The following SURF2 variants were observed in gnomAD, a reference collection of about 807,000 sequenced individuals.
SURF2 encodes the protein surfeit 2.
A neutral mutation model predicts 26.2 loss-of-function variants in SURF2; 32 were observed. The ratio of observed to expected loss-of-function variants is 1.22; its 90% CI spans 0.92 to 1.64. The LOEUF is 1.64. SURF2 is among the 40% of genes most tolerant of loss of function. SURF2 has a pLI of 0.00. For synonymous variants in SURF2, 173 were observed against 139.1 expected, an observed-to-expected ratio of 1.24 and a Z score of -1.71; for missense variants, 415 against 341.6, an observed-to-expected ratio of 1.21 and a Z score of -1.69.
rs2130032894 is a variant in SURF2 at position 133,357,110 on chromosome 9, G to C, written c.233+42G>C. ...GGCGCGGGGAGGCCCAGGGCAATTA[G>C]GACAGCCCCTCCGCTGGACTCCGCC... On this transcript the variant is annotated intron_variant, in intron 2 of 5. Transcript: ENST00000371964. The C allele has an allele frequency of 3.6e-5, 53 of 1,492,892 alleles. No homozygotes were observed. The African/African-American group carries it at 6.6e-4, about 19-fold the overall frequency. 92.5% of individuals were successfully genotyped at this position (1,492,892 alleles called of 1,614,324 possible). A position where few individuals can be genotyped will look rare whatever the true frequency, so the allele number is the denominator to read the frequency against.
chr9:133,357,231 C>A, intron 2 of SURF2, 163 bp downstream of exon 2: 1 of 827,866 alleles, frequency 1.2e-6, no homozygotes, highest in African/African-American at 1.8e-5. Flanking sequence ...GGCGAGGCCT[C>A]TTGGTGAGCT....
chr9:133,359,007 C>T (rs903063894), intron 3 of SURF2, among the ~76,000 whole-genome samples: 1 of 152,196 alleles, frequency 6.6e-6, no homozygotes, highest in African/African-American at 2.4e-5. Flanking sequence ...CTTGCAGGCA[C>T]AAGGGCTGCC....
Position 133,357,811 on chromosome 9 carries a change from AAATGTAAGTC to A in SURF2, c.335_337+7del, listed in dbSNP as rs2130036966. ...CCGGCGGTACCAGCGAGCTCTGTGTAAATGTAAGTCCCAGTGGACCCCCATCAGTGCATCG... is the reference window on the plus strand; with the variant it reads ...CCGGCGGTACCAGCGAGCTCTGTGTACCAGTGGACCCCCATCAGTGCATCG... On this transcript the variant is annotated splice_donor_variant and splice_donor_5th_base_variant and coding_sequence_variant and intron_variant, in exon 3 of 6. Coordinates refer to ENST00000371964, the MANE Select transcript of SURF2 (RefSeq NM_017503.5). LOFTEE classifies it high-confidence loss of function. 5.0e-6 allele frequency: 8 copies of A among 1,613,316 alleles called. No individual in the cohort carries two copies. The highest frequency in any genetic ancestry group is 6.8e-6 in the Non-Finnish European group (8 of 1,179,972).
chr9:133,360,955 A>T (rs1836759403), intron 5 of SURF2, 101 bp from the exon 6 acceptor site: 2 of 1,246,958 alleles, frequency 1.6e-6, no homozygotes, highest in African/African-American at 3.0e-5. Context: ...TATTTGACCG[A>T]CACCTCTGAG....
At position 133,360,327 on chromosome 9, in the gene SURF2, T is replaced by C. The variant is rs2130050043; in HGVS notation, c.580T>C (p.Leu194=). Residue 194 remains leucine (L), a synonymous_variant, in exon 5 of 6, where the codon TTG becomes CTG. Transcript: ENST00000371964. ...GGATGGGGATGGCACTGATGACTTTTTGACAGACAAAGAGGATGAGAAGGC... is the reference window on the plus strand; with the variant it reads ...GGATGGGGATGGCACTGATGACTTTCTGACAGACAAAGAGGATGAGAAGGC... ...TEDGDGTDDF[L]TDKEDEKAKP... 1 of 1,614,140 alleles carries C rather than the reference T, an allele frequency of 6.2e-7. No individual in the cohort carries two copies. Among genetic ancestry groups the C allele is most frequent in the Non-Finnish European group, 8.5e-7 (1 of 1,180,032 alleles).
intron 2 of SURF2, 50 bp downstream of exon 2, chr9:133,357,118 CCTCCGCTGGA>C: frequency 1.4e-6 from 2 of 1,471,904 alleles, no homozygotes; most frequent in Non-Finnish European, 1.8e-6. Flanking sequence ...TAGGACAGCC[CCTCCGCTGGA>C]CTCCGCCAGT....
rs112300354 is a variant in SURF2 at position 133,361,113 on chromosome 9, T to C, written c.745T>C (p.Phe249Leu). Residue 249 changes from phenylalanine to leucine, a missense_variant, in exon 6 of 6, where the codon TTC (phenylalanine) becomes CTC (leucine). By Grantham distance (22) the Phe-to-Leu change is conservative. Coordinates refer to ENST00000371964, the MANE Select transcript of SURF2 (RefSeq NM_017503.5). ...FKSHHRKPKS[F>L]SSCKQPG is the part of the protein sequence containing the mutation. ...GAGTCATCACCGCAAACCCAAGAGCTTCAGCTCCTGTAAACAGCCAGGTTA... is the reference window on the plus strand; with the variant it reads ...GAGTCATCACCGCAAACCCAAGAGCCTCAGCTCCTGTAAACAGCCAGGTTA... The C allele has an allele frequency of 9.9e-6, 16 of 1,614,056 alleles. No individual in the cohort carries two copies. The African/African-American group carries it at 1.1e-4, about 11-fold the overall frequency.
chr9:133,359,693 C>T (rs2130043476), intron 3 of SURF2, among the ~76,000 whole-genome samples: 1 of 152,362 alleles, frequency 6.6e-6, no homozygotes, highest in Non-Finnish European at 1.5e-5. Flanking sequence ...CTTCCTAGGC[C>T]TGGCTAGATC....
Position 133,356,618 on chromosome 9 carries a change from G to A in SURF2, c.26G>A (p.Arg9Gln), listed in dbSNP as rs2130028825. Reference sequence around the variant, plus strand: ...ATGAGCGAGTTGCCGGGCGACGTGCGGGCGTTTCTGCGGGAGCACCCGAGC... The same window carrying A: ...ATGAGCGAGTTGCCGGGCGACGTGCAGGCGTTTCTGCGGGAGCACCCGAGC... Reference protein sequence around the residue: MSELPGDVRAFLREHPSLR... With the variant: MSELPGDVQAFLREHPSLR... Residue 9 changes from arginine to glutamine, a missense_variant, in exon 1 of 6, where the codon CGG becomes CAG. Coordinates refer to ENST00000371964, the MANE Select transcript of SURF2 (RefSeq NM_017503.5). The A allele has an allele frequency of 1.1e-5, 17 of 1,525,568 alleles. No individual in the cohort carries two copies. In the African/African-American group the frequency reaches 1.3e-4, roughly 11 times the overall value. The allele number at this position is 1,525,568 out of a possible 1,614,324, so 94.5% of individuals were successfully genotyped here. A position where few individuals can be genotyped will look rare whatever the true frequency, so the allele number is the denominator to read the frequency against.
chr9:133,357,665 C>G (rs1411703403), intron 2 of SURF2, 46 bp from the exon 3 acceptor site: 4 of 1,578,026 alleles, frequency 2.5e-6, no homozygotes, highest in Admixed American at 3.3e-5. Flanking sequence ...CAGTCTGAAT[C>G]CTTGCTGTGA....
chr9:133,360,890 C>A (rs75738069), intron 5 of SURF2, among the ~76,000 whole-genome samples, 166 bp from the exon 6 acceptor site: 1 of 152,194 alleles, frequency 6.6e-6, no homozygotes, highest in African/African-American at 2.4e-5. Flanking sequence ...CCCTGCTGAG[C>A]GGGGTCTAAT....
Position 133,356,648 on chromosome 9 carries a change from G to C in SURF2, c.56G>C (p.Arg19Pro), listed in dbSNP as rs1456786700. The stretch of plus-strand genomic sequence containing the variant: ...TTTCTGCGGGAGCACCCGAGCCTGC[G>C]GCTCCAGACGGACGCCCGCAAGGTT... ...RAFLREHPSL[R>P]LQTDARKVRC... The change falls in exon 1 of 6, where the codon CGG becomes CCG. Residue 19 changes from arginine to proline, a missense_variant. Arg to Pro is a moderately radical substitution (Grantham distance 103). Transcript: ENST00000371964. 6.6e-7 allele frequency: 1 copy of C among 1,525,594 alleles called. No homozygotes were observed. Among genetic ancestry groups the C allele is most frequent in the African/African-American group, 1.4e-5 (1 of 71,386 alleles). The allele number at this position is 1,525,594 out of a possible 1,614,324, so 94.5% of individuals were successfully genotyped here.
In SURF2 at chr9:133,359,404, C is replaced by T. The variant is rs146139052; in HGVS notation, c.338-546C>T. Among the ~76,000 whole-genome samples the T allele has an allele frequency of 1.4e-4, 21 of 152,296 alleles. No individual in the cohort carries two copies. The East Asian group carries it at 4.1e-3, about 29-fold the overall frequency. ...GGAGGGCAAGCCCCAGCAGACCCTC[C>T]AATATACAAGGGGACAACGGTGGTG... On this transcript the variant is annotated intron_variant, in intron 3 of 5. Transcript: ENST00000371964.
intron 3 of SURF2, among the ~76,000 whole-genome samples, chr9:133,359,403 C>A (rs1197233745): frequency 6.6e-6 from 1 of 152,184 alleles, no homozygotes; most frequent in Non-Finnish European, 1.5e-5. Context: ...AGCAGACCCT[C>A]CAATATACAA....
chr9:133,357,783 G>A lies in SURF2; in HGVS notation c.306G>A (p.Gln102=), dbSNP rs1836648291. 2 of 1,613,714 alleles carry A rather than the reference G, an allele frequency of 1.2e-6. No individual in the cohort carries two copies. The highest frequency in any genetic ancestry group is 2.2e-5 in the East Asian group (1 of 44,886). The part of the protein sequence containing the change: ...KCPEHVLRHT[Q]GRRYQRALCK... ...CAGAACACGTGCTGAGGCACACCCAGGGCCGGCGGTACCAGCGAGCTCTGT... is the reference window on the plus strand; with the variant it reads ...CAGAACACGTGCTGAGGCACACCCAAGGCCGGCGGTACCAGCGAGCTCTGT... The change falls in exon 3 of 6, where the codon CAG becomes CAA. Residue 102 remains glutamine (Q), a synonymous_variant. Transcript: ENST00000371964.
intron 2 of SURF2, chr9:133,357,304 T>C: frequency 5.7e-6 from 3 of 526,054 alleles, no homozygotes; most frequent in Admixed American, 3.8e-5. Flanking sequence ...TAGAGGCTTG[T>C]GATTTGTCAC....
At position 133,357,691 on chromosome 9, in the gene SURF2, T is replaced by G. The variant is rs2130035458; in HGVS notation, c.234-20T>G. On this transcript the variant is annotated intron_variant, in intron 2 of 5. Coordinates refer to ENST00000371964, the MANE Select transcript of SURF2 (RefSeq NM_017503.5). ...CTTGCTGTGAACTGTCCCTACAAAT[T>G]TGGTCTCTCTGCTCTGTAGGCACCA... The G allele has an allele frequency of 6.2e-7, 1 of 1,611,854 alleles. No homozygotes were observed. The highest frequency in any genetic ancestry group is 8.5e-7 in the Non-Finnish European group (1 of 1,178,374).
In SURF2 at chr9:133,357,933, C is replaced by T. The variant is rs114259592; in HGVS notation, c.337+119C>T. ...AGCGATCCGTGTTGATGCATCAGGC[C>T]TGTTTTTTGGCACAGTGAAGAGAGG... On this transcript the variant is annotated intron_variant, in intron 3 of 5. Transcript: ENST00000371964. 5,845 of 958,704 alleles carry T rather than the reference C, an allele frequency of 6.1e-3. 239 individuals carry two copies. The African/African-American group carries it at 0.082, about 13-fold the overall frequency. 59.4% of individuals were successfully genotyped at this position (958,704 alleles called of 1,614,324 possible).
At chr9:133,359,815 A>C in intron 3 of SURF2, 135 bp from the exon 4 acceptor site, 41 of 989,584 alleles carry the variant, frequency 4.1e-5, no homozygotes, top group Non-Finnish European at 5.4e-5. Flanking sequence ...TGAGGCACCC[A>C]GCAGCTGCTC....
Sources: gnomAD v4.1 joint callset for allele counts (sites outside exome capture counted in the v4.1 genomes callset) on GRCh38, gnomAD v4.1.1 for gene constraint, MANE v1.5 for transcripts, NCBI Gene and HGNC (gene_info 2026-07-23, HGNC 2026-07-21) for gene names.